Variants in GPC6 observed in about 807,000 individuals in gnomAD.
The protein encoded by GPC6 is glypican-6.
In GPC6, 14 loss-of-function variants were observed where a neutral mutation model predicts 55.2. The observed-to-expected ratio is 0.25, with a 90% CI of 0.17 to 0.40. GPC6 has a LOEUF of 0.40. GPC6 is among the 10% of genes least tolerant of loss of function. The pLI, the probability that GPC6 is intolerant of heterozygous loss-of-function variation, is 1.00. For synonymous variants in GPC6, 278 were observed against 259.6 expected (o/e 1.07, Z -0.68); for missense variants, 641 against 708.5 (o/e 0.90, Z 1.08).
chr13:94,353,901 T>C (rs1158294838), intron 6 of GPC6, among the ~76,000 whole-genome samples: 1 of 152,166 alleles, frequency 6.6e-6, no homozygotes, highest in Non-Finnish European at 1.5e-5. Context: ...CTCAGAACTT[T>C]ATCCAACTCA....
chr13:93,497,074 GT>G (rs1379458796), intron 1 of GPC6, among the ~76,000 whole-genome samples: 2 of 152,154 alleles, frequency 1.3e-5, no homozygotes, highest in African/African-American at 4.8e-5. Context: ...TGATGCCCTC[GT>G]GCTGCTGCAG....
chr13:94,129,840 AG>A (rs1886947358), intron 4 of GPC6, among the ~76,000 whole-genome samples: 1 of 152,194 alleles, frequency 6.6e-6, no homozygotes, highest in African/African-American at 2.4e-5. Flanking sequence ...GTTGACTCAA[AG>A]GCCACATAAG....
intron 4 of GPC6, among the ~76,000 whole-genome samples, chr13:94,057,470 C>A (rs1273858293): frequency 6.6e-6 from 1 of 151,946 alleles, no homozygotes; most frequent in East Asian, 1.9e-4. Context: ...TTATGTTTTC[C>A]CATTTCATTA....
intron 1 of GPC6, among the ~76,000 whole-genome samples, chr13:93,314,375 G>A (rs574474157): frequency 1.4e-4 from 22 of 152,248 alleles, no homozygotes; most frequent in African/African-American, 4.8e-4. Context: ...AGTGAAAGAC[G>A]TTCAGAGCAA....
intron 1 of GPC6, among the ~76,000 whole-genome samples, chr13:93,465,111 A>G (rs1165388531): frequency 1.3e-5 from 2 of 152,214 alleles, no homozygotes; most frequent in Non-Finnish European, 2.9e-5. Context: ...ATATGCTGTC[A>G]TCCAGGCTCG....
intron 4 of GPC6, among the ~76,000 whole-genome samples, chr13:94,266,390 G>A (rs1023671167): frequency 2.1e-4 from 32 of 152,008 alleles, no homozygotes; most frequent in Middle Eastern, 3.2e-3. Flanking sequence ...GGATGGTCTC[G>A]ATCTCCTGAC....
At chr13:93,549,996 T>C (rs1356071428) in intron 2 of GPC6, among the ~76,000 whole-genome samples, 2 of 152,198 alleles carry the variant, frequency 1.3e-5, no homozygotes, top group Non-Finnish European at 2.9e-5. Flanking sequence ...AAATTATTGA[T>C]ATTTCTTTAA....
chr13:93,651,455 G>A (rs1566469280), intron 2 of GPC6, among the ~76,000 whole-genome samples: 1 of 152,040 alleles, frequency 6.6e-6, no homozygotes, highest in South Asian at 2.1e-4. Context: ...CACAACCAGC[G>A]ACTTACATGT....
chr13:93,384,943 G>T (rs1594133781), intron 1 of GPC6, among the ~76,000 whole-genome samples: 2 of 152,364 alleles, frequency 1.3e-5, no homozygotes, highest in Non-Finnish European at 1.5e-5. Flanking sequence ...GGTATCCCAT[G>T]TTGAGGGAAG....
chr13:93,310,617 T>C (rs1879034424), intron 1 of GPC6, among the ~76,000 whole-genome samples: 2 of 152,236 alleles, frequency 1.3e-5, no homozygotes, highest in Admixed American at 1.3e-4. Flanking sequence ...AAATCCTGTA[T>C]ATAATTTTCC....
In GPC6 at chr13:94,093,933, A is replaced by C. The variant is rs978591096; in HGVS notation, c.877+66039A>C. Among the ~76,000 whole-genome samples the C allele has an allele frequency of 9.9e-5, 15 of 152,280 alleles. No individual in the cohort carries two copies. The South Asian group carries it at 3.1e-3, about 32-fold the overall frequency. On this transcript the variant is annotated intron_variant, in intron 4 of 8. Transcript: ENST00000377047. ...TGCTAGCACAGGAAAAAAACACAAG[A>C]AAATTGGCCCTGCAATCTAAATGTA...
intron 3 of GPC6, among the ~76,000 whole-genome samples, chr13:93,980,913 C>T (rs145685701): frequency 4.5e-4 from 68 of 152,236 alleles, no homozygotes; most frequent in African/African-American, 1.4e-3. Context: ...AGCACACCCT[C>T]AATAAATCAC....
intron 4 of GPC6, among the ~76,000 whole-genome samples, chr13:94,271,416 A>G (rs1892020812): frequency 6.7e-6 from 1 of 149,822 alleles, no homozygotes. Context: ...ACACTCCATC[A>G]TGCCCACTTC....
At chr13:94,144,342 A>G (rs1440815333) in intron 4 of GPC6, among the ~76,000 whole-genome samples, 1 of 151,320 alleles carries the variant, frequency 6.6e-6, no homozygotes, top group Admixed American at 6.6e-5. Context: ...TGAATGGTCC[A>G]TGATGGCTGC....
At chr13:94,094,130 A>G (rs1885587609) in intron 4 of GPC6, among the ~76,000 whole-genome samples, 1 of 152,072 alleles carries the variant, frequency 6.6e-6, no homozygotes, top group African/African-American at 2.4e-5. Context: ...GGGACACTGG[A>G]TTTAGTCACA....
chr13:94,215,043 T>C (rs1890186399), intron 4 of GPC6, among the ~76,000 whole-genome samples: 1 of 152,210 alleles, frequency 6.6e-6, no homozygotes, highest in African/African-American at 2.4e-5. Context: ...AAGTGTTCTT[T>C]CTTCTCCAGC....
At chr13:93,806,450 G>A (rs189880279) in intron 2 of GPC6, among the ~76,000 whole-genome samples, 10 of 152,244 alleles carry the variant, frequency 6.6e-5, no homozygotes, top group African/African-American at 1.7e-4. Context: ...CAATTCTCCC[G>A]CCTCAGTCTC....
intron 1 of GPC6, among the ~76,000 whole-genome samples, chr13:93,311,920 A>G (rs541481149): frequency 5.9e-5 from 9 of 152,306 alleles, no homozygotes; most frequent in African/African-American, 2.2e-4. Context: ...AATCAGGCAG[A>G]AGCAATTTTA....
chr13:93,621,350 C>G (rs1878943745), intron 2 of GPC6, among the ~76,000 whole-genome samples: 1 of 152,286 alleles, frequency 6.6e-6, no homozygotes, highest in Non-Finnish European at 1.5e-5. Flanking sequence ...TTTCTGAACA[C>G]CCTGTCTTTG....
Sources: allele counts gnomAD v4.1 joint callset (sites outside exome capture counted in the v4.1 genomes callset), GRCh38; gene constraint gnomAD v4.1.1; transcripts MANE v1.5; gene names NCBI Gene and HGNC (gene_info 2026-07-23, HGNC 2026-07-21).